The following IFNGR1 variants were observed in gnomAD, a reference collection of about 807,000 sequenced individuals.
IFNGR1 encodes the protein AVP, type 2.
A neutral mutation model predicts 35.4 loss-of-function variants in IFNGR1; 23 were observed. That is an observed-to-expected ratio of 0.65 (90% CI 0.47 to 0.92). The LOEUF (loss-of-function observed/expected upper bound fraction) is 0.92, where lower values mean the gene tolerates loss of function less well. IFNGR1 is among the 40% of genes least tolerant of loss of function. IFNGR1 has a pLI of 0.00. For missense variants in IFNGR1, 533 were observed against 583.4 expected (o/e 0.91, Z 0.89); for synonymous variants, 199 against 209.5 (o/e 0.95, Z 0.43).
At chr6:137,203,192 C>G (rs774901318) in intron 5 of IFNGR1, among the ~76,000 whole-genome samples, 3 of 152,104 alleles carry the variant, frequency 2.0e-5, no homozygotes, top group Non-Finnish European at 4.4e-5. Flanking sequence ...GGTGAAGTAA[C>G]AAACTGACTT....
rs17175120 is a variant in IFNGR1 at position 137,212,866 on chromosome 6, T to C, written c.86-5789A>G. Among the ~76,000 whole-genome samples the C allele has an allele frequency of 4.2e-3, 636 of 152,206 alleles. 4 individuals carry two copies. Among genetic ancestry groups the C allele is most frequent in the Middle Eastern group, 0.041 (12 of 294 alleles). On this transcript the variant is annotated intron_variant, in intron 1 of 6. Transcript: ENST00000367739. ...TAGCTTTCAAAGCAAGACAGACAGG[T>C]GGTAGGAGGAAAATATTTCAATGGT...
chr6:137,198,371 T>C lies in IFNGR1; in HGVS notation c.1130A>G (p.Glu377Gly), dbSNP rs1463411342. The C allele has an allele frequency of 6.2e-7, 1 of 1,614,158 alleles. No individual in the cohort carries two copies. ...GTTACTACTTAAAGGTGAAGAACTC[T>C]CTCTCTCTATTGGAGTCAGATGGCT... is the stretch of plus-strand genomic sequence containing the variant. ...PGSHLTPIER[E>G]SSSPLSSNQS... The change falls in exon 7 of 7, where the codon GAG becomes GGG. Residue 377 changes from glutamate (E) to glycine (G), a missense_variant. By Grantham distance (98) the Glu-to-Gly change is moderately conservative (BLOSUM62 -2). Transcript: ENST00000367739.
intron 1 of IFNGR1, among the ~76,000 whole-genome samples, chr6:137,214,332 G>C (rs1779641274): frequency 6.6e-6 from 1 of 152,142 alleles, no homozygotes; most frequent in Non-Finnish European, 1.5e-5. Flanking sequence ...CTCCCGAATG[G>C]CTTCCAGTGG....
intron 1 of IFNGR1, chr6:137,218,535 C>G: frequency 1.6e-6 from 2 of 1,288,932 alleles, no homozygotes; most frequent in East Asian, 1.1e-4. Flanking sequence ...TCAGCTGCCA[C>G]TTACTTCTCA....
At chr6:137,204,829 T>G (rs1260508287) in intron 3 of IFNGR1, among the ~76,000 whole-genome samples, 1 of 152,232 alleles carries the variant, frequency 6.6e-6, no homozygotes. Context: ...CTCTATTAAG[T>G]AATTTTTCCT....
In IFNGR1 at chr6:137,200,419, G is replaced by T. The variant is rs146223328; in HGVS notation, c.861+462C>A. Among the ~76,000 whole-genome samples the T allele has an allele frequency of 2.1e-3, 326 of 152,212 alleles. 2 individuals are homozygous for T. Among genetic ancestry groups the T allele is most frequent in the African/African-American group, 6.9e-3 (287 of 41,546 alleles). ...AATGAAGTGTTTCTGTATTTGCAGA[G>T]CTTTCAAAGTCATGCTTTCTTGGCT... is the stretch of plus-strand genomic sequence containing the variant. On this transcript the variant is annotated intron_variant, in intron 6 of 6. Transcript: ENST00000367739.
intron 6 of IFNGR1, among the ~76,000 whole-genome samples, chr6:137,199,302 TAA>T (rs1161645006): frequency 2.3e-5 from 3 of 133,176 alleles, no homozygotes; most frequent in African/African-American, 5.6e-5. Context: ...AAAATATAAT[TAA>T]TATATATTAT....
intron 2 of IFNGR1, 78 bp downstream of exon 2, chr6:137,206,885 G>A (rs1779443167): frequency 8.8e-7 from 1 of 1,130,106 alleles, no homozygotes; most frequent in Non-Finnish European, 1.3e-6. Context: ...GAAGGCTGAT[G>A]AAAGAACACA....
At chr6:137,200,701 A>G (rs1273730918) in intron 6 of IFNGR1, among the ~76,000 whole-genome samples, 180 bp downstream of exon 6, 1 of 151,994 alleles carries the variant, frequency 6.6e-6, no homozygotes, top group Non-Finnish European at 1.5e-5. Context: ...AAAAAAAAAC[A>G]AAATACTTGC....
At chr6:137,205,157 G>A (rs1779400729) in intron 3 of IFNGR1, among the ~76,000 whole-genome samples, 1 of 152,168 alleles carries the variant, frequency 6.6e-6, no homozygotes, top group South Asian at 2.1e-4. Flanking sequence ...AGATGGTGTG[G>A]TAATCATATG....
intron 1 of IFNGR1, among the ~76,000 whole-genome samples, chr6:137,214,389 C>T (rs1240433226): frequency 6.6e-6 from 1 of 152,200 alleles, no homozygotes; most frequent in Admixed American, 6.5e-5. Context: ...TTCACCGTAG[C>T]AAGGAGCCGC....
rs138187183 is a variant in IFNGR1 at position 137,208,122 on chromosome 6, T to C, written c.86-1045A>G. On this transcript the variant is annotated intron_variant, in intron 1 of 6. Transcript: ENST00000367739. ...ATTTTGCCCCTGCCCCAGAGATTTGTGGAACTCTGAACTTGAGAGAGATGA... is the reference window on the plus strand; with the variant it reads ...ATTTTGCCCCTGCCCCAGAGATTTGCGGAACTCTGAACTTGAGAGAGATGA... Among the ~76,000 whole-genome samples the C allele has an allele frequency of 4.2e-3, 634 of 152,244 alleles. 4 individuals are homozygous for C. The highest frequency in any genetic ancestry group is 0.041 in the Middle Eastern group (12 of 292).
chr6:137,202,593 AT>A (rs1436682255), intron 5 of IFNGR1, among the ~76,000 whole-genome samples: 2 of 135,648 alleles, frequency 1.5e-5, no homozygotes, highest in Admixed American at 7.9e-5. Context: ...AAGGAAAAAA[AT>A]ATATGTATAC....
Position 137,219,366 on chromosome 6 carries a change from T to C in IFNGR1, c.-39A>G. The C allele has an allele frequency of 6.3e-7, 1 of 1,576,742 alleles. No homozygotes were observed. The highest frequency in any genetic ancestry group is 8.6e-7 in the Non-Finnish European group (1 of 1,161,520). ...GTCGCTGGCTCCAACCCCGAGCGCC[T>C]GCGGGACCAGCCCAGCACTGCCCTC... On this transcript the variant is annotated 5_prime_UTR_variant, in exon 1 of 7. Coordinates refer to ENST00000367739, the MANE Select transcript of IFNGR1 (RefSeq NM_000416.3).
chr6:137,200,899 T>C lies in IFNGR1; in HGVS notation c.843A>G (p.Ile281Met), dbSNP rs772105330. The change falls in exon 6 of 7, where the codon ATA becomes ATG. Residue 281 changes from isoleucine (I) to methionine (M), a missense_variant. By Grantham distance (10) the Ile-to-Met change is conservative. Transcript: ENST00000367739. ...KKINPLKEKSIILPKSLISVV... is the reference protein window; with the variant it reads ...KKINPLKEKSMILPKSLISVV... ...ACATTACCAAGGACTTGGGTAATAT[T>C]ATGCTTTTTTCCTTCAATGGATTAA... The C allele has an allele frequency of 6.3e-7, 1 of 1,598,038 alleles. No individual in the cohort carries two copies. The highest frequency in any genetic ancestry group is 1.1e-5 in the South Asian group (1 of 90,038).
rs1206640280 is a variant in IFNGR1 at position 137,218,862 on chromosome 6, C to T, written c.85+381G>A. 23 of 365,188 alleles carry T rather than the reference C, an allele frequency of 6.3e-5. No individual in the cohort carries two copies. The Admixed American group carries it at 8.4e-4, about 13-fold the overall frequency. 22.6% of individuals were successfully genotyped at this position (365,188 alleles called of 1,614,324 possible). On this transcript the variant is annotated intron_variant, in intron 1 of 6. Transcript: ENST00000367739. ...ACCGTAGCATACTAGTGAGTATCTG[C>T]GTATCTAACCATAAAAAAAGGTACA... is the stretch of plus-strand genomic sequence containing the variant.
intron 3 of IFNGR1, among the ~76,000 whole-genome samples, chr6:137,204,735 C>T (rs1779390234): frequency 6.6e-6 from 1 of 151,830 alleles, no homozygotes; most frequent in South Asian, 2.1e-4. Context: ...ATCTGAATGC[C>T]TATTTAGCAG....
intron 1 of IFNGR1, chr6:137,209,847 T>A: frequency 2.5e-6 from 1 of 398,700 alleles, no homozygotes; most frequent in Non-Finnish European, 4.4e-6. Flanking sequence ...CAGGAATAGA[T>A]ACCTAAAGAT....
At position 137,197,805 on chromosome 6, in the gene IFNGR1, A is replaced by G. The variant is rs374022203; in HGVS notation, c.*226T>C. 1.5e-4 allele frequency: 74 copies of G among 500,340 alleles called. No homozygotes were observed. The highest frequency in any genetic ancestry group is 1.2e-3 in the African/African-American group (63 of 51,516). 31.0% of individuals were successfully genotyped at this position (500,340 alleles called of 1,614,324 possible). A position where few individuals can be genotyped will look rare whatever the true frequency, so the allele number is the denominator to read the frequency against. On this transcript the variant is annotated 3_prime_UTR_variant, in exon 7 of 7. Coordinates refer to ENST00000367739, the MANE Select transcript of IFNGR1 (RefSeq NM_000416.3). ...GTAACCTATCTGGATGTAAAGGTTC[A>G]TAAGTTACAATGCTTTTTTTGTTTA...
Sources: gnomAD v4.1 joint callset for allele counts (sites outside exome capture counted in the v4.1 genomes callset) on GRCh38, gnomAD v4.1.1 for gene constraint, MANE v1.5 for transcripts, NCBI Gene and HGNC (gene_info 2026-07-23, HGNC 2026-07-21) for gene names.